Variants in DOCK1 observed in about 807,000 individuals in gnomAD.
The protein encoded by DOCK1 is dedicator of cytokinesis protein 1.
In DOCK1, 138 loss-of-function variants were observed where a neutral mutation model predicts 262.7. The observed-to-expected ratio is 0.53, with a 90% CI of 0.46 to 0.61. DOCK1 has a LOEUF of 0.61. DOCK1 is among the 20% of genes least tolerant of loss of function. DOCK1 has a pLI of 0.00. For synonymous variants in DOCK1, 866 were observed against 867.4 expected, an observed-to-expected ratio of 1.00 and a Z score of 0.03; for missense variants, 1,908 against 2,370.7, an observed-to-expected ratio of 0.80 and a Z score of 4.05.
chr10:127,321,247 T>C (rs766784610), intron 29 of DOCK1, among the ~76,000 whole-genome samples: 4,583 of 23,970 alleles, frequency 0.19, 161 homozygotes, highest in Non-Finnish European at 0.25. Context: ...GTCCTCCCCC[T>C]CTCTCTCCTC....
intron 33 of DOCK1, among the ~76,000 whole-genome samples, chr10:127,369,969 G>A (rs1449203864): frequency 6.6e-6 from 1 of 152,110 alleles, no homozygotes; most frequent in African/African-American, 2.4e-5. Flanking sequence ...AGGGTTGTGC[G>A]GTGTCACACT....
intron 25 of DOCK1, among the ~76,000 whole-genome samples, chr10:127,124,646 C>T (rs776182547): frequency 3.3e-5 from 5 of 152,198 alleles, no homozygotes; most frequent in Non-Finnish European, 2.9e-5. Context: ...TATAGCCATG[C>T]GTCCCAGAGT....
intron 29 of DOCK1, among the ~76,000 whole-genome samples, chr10:127,282,888 C>T (rs2135293805): frequency 1.3e-5 from 2 of 152,338 alleles, no homozygotes; most frequent in Admixed American, 1.3e-4. Context: ...GGGGAGCTGC[C>T]AGAGGGGCAG....
At chr10:127,397,114 G>A (rs113967149) in intron 38 of DOCK1, among the ~76,000 whole-genome samples, 279 of 45,246 alleles carry the variant, frequency 6.2e-3, no homozygotes, top group Middle Eastern at 0.038. Context: ...TTACACGGGC[G>A]GTGTCTCCTA....
chr10:127,167,771 A>G lies in DOCK1; in HGVS notation c.2847+40007A>G, dbSNP rs2054213677. On this transcript the variant is annotated intron_variant, in intron 27 of 51. Transcript: ENST00000623213. ...GGTCCTGTCCTTTTCTCTGGAAACC[A>G]CCAAGACAAAGCTTCATGTCTCCAT... Among the ~76,000 whole-genome samples the G allele has an allele frequency of 2.0e-5, 3 of 151,940 alleles. No individual in the cohort carries two copies. The South Asian group carries it at 6.2e-4, about 32-fold the overall frequency.
At chr10:127,272,102 C>T (rs1001862604) in intron 29 of DOCK1, 1 of 152,178 alleles carries the variant, frequency 6.6e-6, no homozygotes, top group Non-Finnish European at 1.5e-5. Flanking sequence ...TCAACCTTTC[C>T]CATAAGACTT....
At position 127,248,121 on chromosome 10, in the gene DOCK1, T is replaced by C. The variant is rs763743462; in HGVS notation, c.2949+12T>C. On this transcript the variant is annotated intron_variant, in intron 28 of 51. Transcript: ENST00000623213. ...GGACTGATGTGGTAGTAAGTGTCCC[T>C]TTCACCCTGTTCACATAACCATGTT... 4 of 1,610,020 alleles carry C rather than the reference T, an allele frequency of 2.5e-6. No individual in the cohort carries two copies. The highest frequency in any genetic ancestry group is 1.3e-5 in the African/African-American group (1 of 74,860).
chr10:127,450,415 G>A (rs1225246077), intron 51 of DOCK1, among the ~76,000 whole-genome samples: 1 of 152,202 alleles, frequency 6.6e-6, no homozygotes, highest in African/African-American at 2.4e-5. Flanking sequence ...TCTTCTGCCT[G>A]TGGCATGCTC....
At chr10:127,212,308 C>A (rs2058017432) in intron 27 of DOCK1, among the ~76,000 whole-genome samples, 1 of 152,130 alleles carries the variant, frequency 6.6e-6, no homozygotes, top group Non-Finnish European at 1.5e-5. Flanking sequence ...TTCTACCTGG[C>A]CATCGTGTGA....
intron 21 of DOCK1, among the ~76,000 whole-genome samples, chr10:127,046,757 C>CAAAAAAAAAAAA (rs5788823): frequency 1.4e-5 from 1 of 73,348 alleles, no homozygotes; most frequent in African/African-American, 5.5e-5. Context: ...CACTACGTCT[C>CAAAAAAAAAAAA]AAAAAAAAAA....
intron 29 of DOCK1, among the ~76,000 whole-genome samples, chr10:127,310,472 A>G (rs1420214780): frequency 1.3e-5 from 2 of 152,146 alleles, no homozygotes; most frequent in Non-Finnish European, 2.9e-5. Context: ...ATAAGAAACA[A>G]CTTTTTTGAC....
intron 16 of DOCK1, among the ~76,000 whole-genome samples, chr10:127,029,909 G>C (rs1244167540): frequency 1.3e-5 from 2 of 152,144 alleles, no homozygotes; most frequent in Non-Finnish European, 2.9e-5. Flanking sequence ...AGGAGGAACT[G>C]TTCTGTTCTT....
Position 127,409,409 on chromosome 10 carries a change from C to A in DOCK1, c.4343+18C>A. The stretch of plus-strand genomic sequence containing the variant: ...ATTGTAAGGTAATAATCCCATTTTT[C>A]TTACCCAACGTGAGGGTTGTAAGAG... On this transcript the variant is annotated intron_variant, in intron 42 of 51. Transcript: ENST00000623213. The A allele has an allele frequency of 6.2e-7, 1 of 1,613,142 alleles. No individual in the cohort carries two copies.
chr10:127,073,649 C>T (rs1365189119), intron 23 of DOCK1, among the ~76,000 whole-genome samples: 2 of 152,220 alleles, frequency 1.3e-5, no homozygotes, highest in African/African-American at 4.8e-5. Flanking sequence ...GAGTGACCGT[C>T]TCCCTCTTTA....
rs535171196 is a variant in DOCK1 at position 127,262,487 on chromosome 10, C to G, written c.3044+5058C>G. Among the ~76,000 whole-genome samples, 68 of 152,238 alleles carry G rather than the reference C, an allele frequency of 4.5e-4. 1 individual carries two copies. The East Asian group carries it at 8.9e-3, about 20-fold the overall frequency. ...TGGAGTTGGTCACTGATAACTGTAACTTTTATTCCCACATCCTTCTGCCCC... is the reference window on the plus strand; with the variant it reads ...TGGAGTTGGTCACTGATAACTGTAAGTTTTATTCCCACATCCTTCTGCCCC... On this transcript the variant is annotated intron_variant, in intron 29 of 51. Transcript: ENST00000623213.
In DOCK1 at chr10:126,998,153, C is replaced by A. The variant is rs1280071759; in HGVS notation, c.671C>A (p.Ala224Asp). 2.5e-6 allele frequency: 4 copies of A among 1,613,976 alleles called. No individual in the cohort carries two copies. In the Admixed American group the frequency reaches 6.7e-5, roughly 27 times the overall value. The change falls in exon 8 of 52, where the codon GCC becomes GAC. Residue 224 changes from alanine (A) to aspartate (D), a missense_variant. By Grantham distance (126) the Ala-to-Asp change is moderately radical. Transcript: ENST00000623213. ...QAKFAATPSL[A>D]LFVNLKNVVC... The stretch of plus-strand genomic sequence containing the variant: ...AAGTTTGCTGCAACCCCTTCTCTGG[C>A]CTTGTTTGTGAACCTCAAAAATGTG...
At chr10:127,030,639 CA>C (rs767490748) in intron 16 of DOCK1, among the ~76,000 whole-genome samples, 1 of 152,180 alleles carries the variant, frequency 6.6e-6, no homozygotes, top group Non-Finnish European at 1.5e-5. Flanking sequence ...CAAAGTGGCA[CA>C]AATATGGATT....
intron 27 of DOCK1, among the ~76,000 whole-genome samples, chr10:127,179,618 G>T (rs1056550838): frequency 1.3e-5 from 2 of 152,096 alleles, no homozygotes; most frequent in Admixed American, 1.3e-4. Context: ...TCTTTTCGGG[G>T]TGTTCATTTG....
intron 27 of DOCK1, among the ~76,000 whole-genome samples, chr10:127,158,233 C>G (rs2053266695): frequency 6.6e-6 from 1 of 152,128 alleles, no homozygotes; most frequent in Admixed American, 6.5e-5. Flanking sequence ...CATCAGAAAA[C>G]AGTACTTTGA....
Sources: allele counts gnomAD v4.1 joint callset (sites outside exome capture counted in the v4.1 genomes callset), GRCh38; gene constraint gnomAD v4.1.1; transcripts MANE v1.5; gene names NCBI Gene and HGNC (gene_info 2026-07-23, HGNC 2026-07-21).